The following DDHD1 variants were observed in gnomAD, a reference collection of about 807,000 sequenced individuals.
DDHD1 encodes the protein DDHD domain containing 1.
Under a neutral mutation model 96.4 loss-of-function variants are expected in DDHD1, and 49 were observed. That is an observed-to-expected ratio of 0.51 (90% CI 0.40 to 0.64). DDHD1 has a LOEUF of 0.64. DDHD1 is among the 30% of genes least tolerant of loss of function. DDHD1 has a pLI of 0.00. For missense variants in DDHD1, 1,106 were observed against 1,161.2 expected (o/e 0.95, Z 0.69); for synonymous variants, 442 against 446.5 (o/e 0.99, Z 0.13).
chr14:53,057,070 G>A (rs1426890509), intron 9 of DDHD1, among the ~76,000 whole-genome samples: 1 of 152,148 alleles, frequency 6.6e-6, no homozygotes, highest in East Asian at 1.9e-4. Flanking sequence ...AACTTGCCCA[G>A]GATTGTGCAG....
chr14:53,081,545 A>G (rs1168980756), intron 4 of DDHD1, among the ~76,000 whole-genome samples: 1 of 152,222 alleles, frequency 6.6e-6, no homozygotes, highest in Non-Finnish European at 1.5e-5. Flanking sequence ...TTTTGGTTCT[A>G]ACAACTAAGG....
intron 6 of DDHD1, among the ~76,000 whole-genome samples, chr14:53,063,436 C>T (rs1188865669): frequency 1.3e-5 from 2 of 151,562 alleles, no homozygotes; most frequent in African/African-American, 4.8e-5. Context: ...TACATAGATC[C>T]TTCTGTAGTC....
intron 1 of DDHD1, among the ~76,000 whole-genome samples, chr14:53,151,244 G>A (rs982430748): frequency 6.6e-6 from 1 of 152,196 alleles, no homozygotes; most frequent in African/African-American, 2.4e-5. Context: ...GTTGTATGGA[G>A]GATCTAAAGG....
At chr14:53,064,611 T>A (rs1206893833) in intron 6 of DDHD1, among the ~76,000 whole-genome samples, 2 of 152,106 alleles carry the variant, frequency 1.3e-5, no homozygotes, top group Non-Finnish European at 2.9e-5. Context: ...ACTAAAATAT[T>A]TCACTATGGA....
chr14:53,065,934 T>G (rs1017339709), intron 6 of DDHD1, among the ~76,000 whole-genome samples: 1 of 152,222 alleles, frequency 6.6e-6, no homozygotes, highest in African/African-American at 2.4e-5. Flanking sequence ...AAAAATATGG[T>G]GGCCCTTGTA....
chr14:53,055,433 T>C (rs563509079), intron 10 of DDHD1, among the ~76,000 whole-genome samples: 58 of 152,340 alleles, frequency 3.8e-4, no homozygotes, highest in African/African-American at 1.3e-3. Flanking sequence ...TAACAGCTTT[T>C]TCTGGTCCAT....
At chr14:53,150,056 T>TC (rs1242825195) in intron 1 of DDHD1, 2 of 152,102 alleles carry the variant, frequency 1.3e-5, no homozygotes, top group Non-Finnish European at 2.9e-5. Flanking sequence ...CTCCATCCTG[T>TC]CCCTGACCAA....
rs59747041 is a variant in DDHD1, at chr14:53,043,392, A to AGTGTGTGTGTGTGTGTGTGTGTGT, written c.*3352_*3375dup. The stretch of plus-strand genomic sequence containing the variant: ...CAAAAGAGCAGTTATTAGAACATCC[A>AGTGTGTGTGTGTGTGTGTGTGTGT]GTGTGTGTGTGTGTGTGTGTGTGTG... On this transcript the variant is annotated 3_prime_UTR_variant, in exon 13 of 13. Coordinates refer to ENST00000673822, the MANE Select transcript of DDHD1 (RefSeq NM_001160148.2). 1.4e-4 allele frequency: 16 copies of AGTGTGTGTGTGTGTGTGTGTGTGT among 112,438 alleles called. No individual in the cohort carries two copies. Among genetic ancestry groups the AGTGTGTGTGTGTGTGTGTGTGTGT allele is most frequent in the African/African-American group, 4.4e-4 (16 of 36,234 alleles). 7.0% of individuals were successfully genotyped at this position (112,438 alleles called of 1,614,324 possible).
At chr14:53,084,420 A>G (rs1885749236) in intron 4 of DDHD1, among the ~76,000 whole-genome samples, 1 of 152,208 alleles carries the variant, frequency 6.6e-6, no homozygotes, top group African/African-American at 2.4e-5. Flanking sequence ...ATGGCTCCAG[A>G]GAGAATATAC....
intron 6 of DDHD1, among the ~76,000 whole-genome samples, chr14:53,069,659 A>G (rs1884344550): frequency 1.3e-5 from 2 of 152,328 alleles, no homozygotes; most frequent in South Asian, 4.1e-4. Flanking sequence ...GCCTGTATAT[A>G]TACATATTCA....
chr14:53,146,939 T>C (rs4901351), intron 1 of DDHD1, among the ~76,000 whole-genome samples: 1 of 145,470 alleles, frequency 6.9e-6, no homozygotes, highest in East Asian at 2.0e-4. Flanking sequence ...CAGTTTTTTT[T>C]TTTTTTTTTT....
At chr14:53,152,038 C>G (rs116961481) in intron 1 of DDHD1, among the ~76,000 whole-genome samples, 5 of 152,194 alleles carry the variant, frequency 3.3e-5, no homozygotes, top group African/African-American at 1.2e-4. Flanking sequence ...GGCGCTACCC[C>G]CGAAGGTATC....
chr14:53,116,052 G>C (rs1306300944), intron 1 of DDHD1, among the ~76,000 whole-genome samples: 1 of 151,676 alleles, frequency 6.6e-6, no homozygotes, highest in Non-Finnish European at 1.5e-5. Flanking sequence ...AAATGCAATG[G>C]GAAAAAAAAG....
rs1271780975 is a variant in DDHD1, at chr14:53,145,686, TA to T, written c.838+6574del. Among the ~76,000 whole-genome samples, 13 of 152,070 alleles carry T rather than the reference TA, an allele frequency of 8.5e-5. 1 individual carries two copies. Among genetic ancestry groups the T allele is most frequent in the Non-Finnish European group, 1.8e-4 (12 of 68,024 alleles). On this transcript the variant is annotated intron_variant, in intron 1 of 12. Coordinates refer to ENST00000673822, the MANE Select transcript of DDHD1 (RefSeq NM_001160148.2). ...ATAGTTAATATTACATTCTAGCACATAAAAGCTTAACTCTCCATTATTTGGA... is the reference window on the plus strand; with the variant it reads ...ATAGTTAATATTACATTCTAGCACATAAAGCTTAACTCTCCATTATTTGGA...
chr14:53,134,342 G>A (rs540735574), intron 1 of DDHD1, among the ~76,000 whole-genome samples: 1 of 152,224 alleles, frequency 6.6e-6, no homozygotes, highest in African/African-American at 2.4e-5. Flanking sequence ...CCCTCTTGGA[G>A]TGAACAGATG....
intron 1 of DDHD1, among the ~76,000 whole-genome samples, chr14:53,138,890 A>G (rs1890431975): frequency 1.3e-5 from 2 of 152,240 alleles, no homozygotes; most frequent in Admixed American, 1.3e-4. Flanking sequence ...CTGAAAAAAT[A>G]TCCCCTTCAT....
intron 12 of DDHD1, 77 bp from the exon 13 acceptor site, chr14:53,047,026 A>G (rs1001825734): frequency 8.3e-7 from 1 of 1,197,916 alleles, no homozygotes; most frequent in African/African-American, 1.6e-5. Context: ...TGGAGTTGAG[A>G]GTAAAAATTT....
chr14:53,063,980 C>T lies in DDHD1; in HGVS notation c.1504-775G>A, dbSNP rs145952621. 1.8e-3 allele frequency among the ~76,000 whole-genome samples: 269 copies of T among 152,132 alleles called. 1 individual carries two copies. Among genetic ancestry groups the T allele is most frequent in the Non-Finnish European group, 3.1e-3 (208 of 67,928 alleles). On this transcript the variant is annotated intron_variant, in intron 6 of 12. Coordinates refer to ENST00000673822, the MANE Select transcript of DDHD1 (RefSeq NM_001160148.2). Reference sequence around the variant, plus strand: ...TTTGTTACTCAAACCCATCCTGGGCCCTGATCTGAGTTTTAAGGCAGTCTT... The same window carrying T: ...TTTGTTACTCAAACCCATCCTGGGCTCTGATCTGAGTTTTAAGGCAGTCTT...
intron 10 of DDHD1, among the ~76,000 whole-genome samples, 190 bp downstream of exon 10, chr14:53,055,470 A>G (rs1882962581): frequency 6.6e-6 from 1 of 152,210 alleles, no homozygotes; most frequent in South Asian, 2.1e-4. Flanking sequence ...CTAAAACTAT[A>G]AGATCTGATC....
Sources: gnomAD v4.1 joint callset for allele counts (sites outside exome capture counted in the v4.1 genomes callset) on GRCh38, gnomAD v4.1.1 for gene constraint, MANE v1.5 for transcripts, NCBI Gene and HGNC (gene_info 2026-07-23, HGNC 2026-07-21) for gene names.